Variants in DMD observed in about 807,000 individuals in gnomAD.
DMD encodes the protein dystrophin, also known as mutant dystrophin.
DMD carries 63 observed loss-of-function variants against 330.1 expected under a neutral mutation model. The observed-to-expected ratio is 0.19, with a 90% CI of 0.16 to 0.24. DMD has a LOEUF of 0.24. Ranked by LOEUF, DMD falls within the 10% of genes least tolerant of loss-of-function variation. The pLI is 1.00. For missense variants in DMD, 3,344 were observed against 2,684.1 expected (o/e 1.25, Z -5.43); for synonymous variants, 1,223 against 959.8 (o/e 1.27, Z -5.07).
intron 61 of DMD, among the ~76,000 whole-genome samples, chrX:31,342,580 A>G (rs1004649724): frequency 4.5e-5 from 5 of 111,838 alleles, no homozygotes; most frequent in Non-Finnish European, 5.6e-5. Flanking sequence ...TATAACATTA[A>G]TGTTTTAAAG....
At chrX:32,122,025 G>T (rs1326240211) in intron 44 of DMD, among the ~76,000 whole-genome samples, 4 of 110,658 alleles carry the variant, frequency 3.6e-5, no homozygotes, top group Admixed American at 2.9e-4. Flanking sequence ...TGTGACCCAG[G>T]TCTTCAGCAC....
intron 6 of DMD, among the ~76,000 whole-genome samples, chrX:32,811,178 TA>T (rs751834619): frequency 0.044 from 3,795 of 86,360 alleles, 69 homozygotes; most frequent in Non-Finnish European, 0.054. Context: ...TACAACTTAT[TA>T]AAAAAAAAAA....
rs2096748021 is a variant in DMD at position 32,140,648 on chromosome X, T to C, written c.6438+76268A>G. On this transcript the variant is annotated intron_variant, in intron 44 of 78. Coordinates refer to ENST00000357033, the MANE Select transcript of DMD (RefSeq NM_004006.3). ...GTTTAATTGAACTTATAGTTCCACATGACTGGGGAGGCCTCAGAATCATGG... is the reference window on the plus strand; with the variant it reads ...GTTTAATTGAACTTATAGTTCCACACGACTGGGGAGGCCTCAGAATCATGG... Among the ~76,000 whole-genome samples the C allele has an allele frequency of 2.7e-5, 3 of 111,964 alleles. No individual in the cohort carries two copies. The South Asian group carries it at 1.1e-3, about 42-fold the overall frequency.
At chrX:33,113,176 C>A (rs2095354340) in intron 1 of DMD, among the ~76,000 whole-genome samples, 1 of 105,993 alleles carries the variant, frequency 9.4e-6, no homozygotes, top group Non-Finnish European at 1.9e-5. Context: ...GCCTCAGCCT[C>A]CCTAGTAGCT....
At chrX:32,975,321 T>C (rs778676337) in intron 2 of DMD, among the ~76,000 whole-genome samples, 1 of 78,846 alleles carries the variant, frequency 1.3e-5, no homozygotes, top group Admixed American at 1.3e-4. Flanking sequence ...CACTCCACAT[T>C]TTGCTTTTTA....
At chrX:33,145,958 C>T (rs960890044) in intron 1 of DMD, among the ~76,000 whole-genome samples, 1 of 110,801 alleles carries the variant, frequency 9.0e-6, no homozygotes, top group African/African-American at 3.3e-5. Context: ...GCGATCTTGG[C>T]TCACTGCAAC....
In DMD at chrX:33,173,630, T is replaced by C. The variant is rs182960568; in HGVS notation, c.31+37652A>G. 6.6e-4 allele frequency among the ~76,000 whole-genome samples: 74 copies of C among 111,471 alleles called. No individual in the cohort carries two copies. The East Asian group carries it at 0.02, about 30-fold the overall frequency. ...TAATTCATACTGGCTTAATAGAAGA[T>C]CAGTTGGGAATAATAAGCTCGATAG... On this transcript the variant is annotated intron_variant, in intron 1 of 78. Transcript: ENST00000357033.
chrX:31,991,179 T>C (rs2095547608), intron 44 of DMD, among the ~76,000 whole-genome samples: 1 of 111,768 alleles, frequency 8.9e-6, no homozygotes, highest in Non-Finnish European at 1.9e-5. Context: ...AGGGTGATTT[T>C]ATACCAGATC....
chrX:32,614,275 G>A, intron 12 of DMD, 28 bp downstream of exon 12: 1 of 1,205,139 alleles, frequency 8.3e-7, no homozygotes, highest in Non-Finnish European at 1.1e-6. Context: ...CTTTCTAGTA[G>A]AAAGCACGCA....
chrX:32,860,197 C>A (rs1341576486), intron 2 of DMD, among the ~76,000 whole-genome samples: 1 of 111,524 alleles, frequency 9.0e-6, no homozygotes, highest in African/African-American at 3.3e-5. Context: ...CAAAGTGGAA[C>A]AAATCAAAGT....
In DMD at chrX:31,121,808, G is replaced by T; in HGVS notation, c.*111C>A. 1 of 1,008,204 alleles carries T rather than the reference G, an allele frequency of 9.9e-7. No homozygotes were observed. The highest frequency in any genetic ancestry group is 1.4e-6 in the Non-Finnish European group (1 of 710,520). The allele number at this position is 1,008,204 out of a possible 1,213,427, so 83.1% of individuals were successfully genotyped here. On this transcript the variant is annotated 3_prime_UTR_variant, in exon 79 of 79. Coordinates refer to ENST00000357033, the MANE Select transcript of DMD (RefSeq NM_004006.3). The stretch of plus-strand genomic sequence containing the variant: ...GTTGTATGAATATTATAAAAACCAT[G>T]CGGGAATCAGGAGTTGTAAAACATT...
At chrX:31,234,997 G>A (rs1053256923) in intron 63 of DMD, among the ~76,000 whole-genome samples, 3 of 111,163 alleles carry the variant, frequency 2.7e-5, no homozygotes, top group Non-Finnish European at 5.7e-5. Flanking sequence ...GTGATCAGAC[G>A]TCACATGGGG....
intron 1 of DMD, among the ~76,000 whole-genome samples, chrX:33,129,324 G>GTTTTTTT (rs2095483564): frequency 1.8e-3 from 19 of 10,457 alleles, no homozygotes; most frequent in South Asian, 4.8e-3. Flanking sequence ...GTTAAGGTTT[G>GTTTTTTT]CTTTTTTTTT....
At chrX:31,424,989 C>G in intron 60 of DMD, among the ~76,000 whole-genome samples, 1 of 112,182 alleles carries the variant, frequency 8.9e-6, no homozygotes, top group Non-Finnish European at 1.9e-5. Flanking sequence ...AAAACGCAAA[C>G]ACATAAAAAG....
At chrX:33,310,696 A>G (rs1359785628) in intron 1 of DMD, among the ~76,000 whole-genome samples, 1 of 111,345 alleles carries the variant, frequency 9.0e-6, no homozygotes, top group Non-Finnish European at 1.9e-5. Flanking sequence ...TTCTGCAAAA[A>G]TTGAGTATTG....
chrX:33,057,860 A>AG (rs202207192), intron 1 of DMD, among the ~76,000 whole-genome samples: 611 of 110,777 alleles, frequency 5.5e-3, no homozygotes, highest in Middle Eastern at 9.3e-3. Flanking sequence ...GGATATACCC[A>AG]ATTTTTGTTT....
intron 60 of DMD, among the ~76,000 whole-genome samples, chrX:31,417,283 C>CT (rs1372891984): frequency 9.0e-6 from 1 of 110,788 alleles, no homozygotes; most frequent in Non-Finnish European, 1.9e-5. Flanking sequence ...TTTTTCTTTT[C>CT]TTTTTTTCTT....
intron 43 of DMD, among the ~76,000 whole-genome samples, chrX:32,221,636 TA>T (rs1053391799): frequency 1.8e-5 from 2 of 111,823 alleles, no homozygotes; most frequent in African/African-American, 6.5e-5. Flanking sequence ...TAAAATCAGA[TA>T]TTTTAGTGCA....
chrX:31,133,203 A>G (rs2034743782), intron 77 of DMD, among the ~76,000 whole-genome samples: 1 of 111,947 alleles, frequency 8.9e-6, no homozygotes, highest in Admixed American at 9.5e-5. Context: ...CAGGCTACCC[A>G]TTAGAGGTGC....
Sources: gnomAD v4.1 joint callset for allele counts (sites outside exome capture counted in the v4.1 genomes callset) on GRCh38, gnomAD v4.1.1 for gene constraint, MANE v1.5 for transcripts, NCBI Gene and HGNC (gene_info 2026-07-23, HGNC 2026-07-21) for gene names.